Variants in PTCHD1 observed in about 807,000 individuals in gnomAD.
PTCHD1 encodes the protein patched domain-containing protein 1.
A neutral mutation model predicts 34.6 loss-of-function variants in PTCHD1; 3 were observed. The ratio of observed to expected loss-of-function variants is 0.09; its 90% CI spans 0.04 to 0.22. The LOEUF (loss-of-function observed/expected upper bound fraction) is 0.22, where lower values mean the gene tolerates loss of function less well. Among genes scored for constraint, PTCHD1 ranks in the 10% least tolerant of loss-of-function variants. The probability of loss-of-function intolerance (pLI) is 1.00; values close to 1 mark genes in which losing one functional copy is unlikely to be tolerated. For synonymous variants in PTCHD1, 305 were observed against 283.1 expected (o/e 1.08, Z -0.77); for missense variants, 504 against 685.5 (o/e 0.74, Z 2.96).
chrX:23,371,308 A>C (rs1366397904), intron 1 of PTCHD1, among the ~76,000 whole-genome samples: 1 of 111,868 alleles, frequency 8.9e-6, no homozygotes, highest in Non-Finnish European at 1.9e-5. Flanking sequence ...TTTGGAAGAT[A>C]ATCCCAGGAA....
At chrX:23,372,677 G>A (rs918133327) in intron 1 of PTCHD1, among the ~76,000 whole-genome samples, 1 of 111,437 alleles carries the variant, frequency 9.0e-6, no homozygotes, top group African/African-American at 3.3e-5. Context: ...GCTGTTGCCT[G>A]TTCCCAAGCC....
chrX:23,397,925 T>C lies in PTCHD1; in HGVS notation c.*3740T>C, dbSNP rs966630402. 8.9e-6 allele frequency: 1 copy of C among 112,052 alleles called. No individual in the cohort carries two copies. The highest frequency in any genetic ancestry group is 3.2e-5 in the African/African-American group (1 of 30,793). The allele number at this position is 112,052 out of a possible 1,213,427, so 9.2% of individuals were successfully genotyped here. A position where few individuals can be genotyped will look rare whatever the true frequency, so the allele number is the denominator to read the frequency against. ...CCTATTAAAGTACCCCTGTAGCTTA[T>C]AGTAGTGTTTGACCTCTGTGACTCT... On this transcript the variant is annotated 3_prime_UTR_variant, in exon 3 of 3. Coordinates refer to ENST00000379361, the MANE Select transcript of PTCHD1 (RefSeq NM_173495.3).
intron 1 of PTCHD1, among the ~76,000 whole-genome samples, chrX:23,360,381 T>G (rs759613832): frequency 0.031 from 3,452 of 111,486 alleles, 139 homozygotes; most frequent in African/African-American, 0.11. Flanking sequence ...TCTTGGGAGG[T>G]TGTATGTGTC....
chrX:23,373,537 T>A (rs1040800191), intron 1 of PTCHD1, among the ~76,000 whole-genome samples: 2 of 112,913 alleles, frequency 1.8e-5, no homozygotes, highest in Non-Finnish European at 3.7e-5. Flanking sequence ...AAGGGATGAC[T>A]AACTTGCTTT....
chrX:23,386,645 A>G (rs1168822122), intron 2 of PTCHD1, among the ~76,000 whole-genome samples: 1 of 112,761 alleles, frequency 8.9e-6, no homozygotes, highest in African/African-American at 3.2e-5. Flanking sequence ...ATGACATTGA[A>G]AAACAGGCAT....
intron 1 of PTCHD1, among the ~76,000 whole-genome samples, chrX:23,376,394 G>A (rs1282027553): frequency 2.7e-5 from 3 of 112,136 alleles, no homozygotes; most frequent in African/African-American, 9.7e-5. Flanking sequence ...TGGATTATCT[G>A]AAGCATAGCT....
At chrX:23,379,120 A>G (rs1360293956) in intron 1 of PTCHD1, among the ~76,000 whole-genome samples, 1 of 112,423 alleles carries the variant, frequency 8.9e-6, no homozygotes, top group Non-Finnish European at 1.9e-5. Flanking sequence ...ATTGCACCTT[A>G]GTTCACTTTC....
chrX:23,390,659 C>T (rs1052353949), intron 2 of PTCHD1, among the ~76,000 whole-genome samples: 1 of 111,730 alleles, frequency 9.0e-6, no homozygotes, highest in East Asian at 2.8e-4. Flanking sequence ...GGCTGTAAAA[C>T]GATGCCTAGT....
chrX:23,400,720 A>G lies in PTCHD1; in HGVS notation c.*6535A>G, dbSNP rs1923096227. 8.9e-6 allele frequency: 1 copy of G among 112,148 alleles called. No homozygotes were observed. The highest frequency in any genetic ancestry group is 3.7e-4 in the South Asian group (1 of 2,669). 9.2% of individuals were successfully genotyped at this position (112,148 alleles called of 1,213,427 possible). A position where few individuals can be genotyped will look rare whatever the true frequency, so the allele number is the denominator to read the frequency against. On this transcript the variant is annotated 3_prime_UTR_variant, in exon 3 of 3. Transcript: ENST00000379361. ...GCCTTGCATGAAGCACAAAGGACAC[A>G]CCAATGGCTGATCAGTGGCCCTTCC... is the stretch of plus-strand genomic sequence containing the variant.
rs1295488873 is a variant in PTCHD1 at position 23,335,070 on chromosome X, C to T, written c.195C>T (p.Ile65=). ...LLAPQHSLAK[I]ERNLVNSLFP... is the part of the protein sequence containing the mutation. ...CGCCCCAGCACAGCCTGGCCAAGAT[C>T]GAGCGCAACCTCGTTAACAGCCTCT... is the stretch of plus-strand genomic sequence containing the variant. Residue 65 remains isoleucine (I), a synonymous_variant, in exon 1 of 3, where the codon ATC becomes ATT. Coordinates refer to ENST00000379361, the MANE Select transcript of PTCHD1 (RefSeq NM_173495.3). 8.3e-7 allele frequency: 1 copy of T among 1,211,118 alleles called. No homozygotes were observed. Among genetic ancestry groups the T allele is most frequent in the African/African-American group, 1.7e-5 (1 of 57,722 alleles).
At chrX:23,364,374 A>C (rs1002563522) in intron 1 of PTCHD1, among the ~76,000 whole-genome samples, 1 of 38,627 alleles carries the variant, frequency 2.6e-5, no homozygotes, top group African/African-American at 1.3e-4. Context: ...GAGTGTAGAC[A>C]CACACACACA....
At chrX:23,347,908 G>A (rs1321290475) in intron 1 of PTCHD1, among the ~76,000 whole-genome samples, 1 of 111,973 alleles carries the variant, frequency 8.9e-6, no homozygotes. Flanking sequence ...TTCTTGGGAA[G>A]CTGAGACAGG....
intron 2 of PTCHD1, among the ~76,000 whole-genome samples, chrX:23,391,749 G>C (rs950135933): frequency 4.5e-5 from 5 of 112,141 alleles, no homozygotes; most frequent in Non-Finnish European, 9.4e-5. Flanking sequence ...AAAATGATGA[G>C]TGTCCAGACA....
chrX:23,393,137 A>G lies in PTCHD1; in HGVS notation c.1619A>G (p.Glu540Gly). Residue 540 changes from glutamate (E) to glycine (G), a missense_variant, in exon 3 of 3, where the codon GAG (glutamate) becomes GGG (glycine). Glu to Gly is a moderately conservative substitution (Grantham distance 98). Transcript: ENST00000379361. ...NIVATATQTI[E>G]YTTAQQKYFS... ...GTAGCAACCGCGACACAAACCATTG[A>G]GTACACTACTGCCCAGCAAAAGTAC... 1 of 1,211,642 alleles carries G rather than the reference A, an allele frequency of 8.3e-7. No homozygotes were observed. The highest frequency in any genetic ancestry group is 1.1e-6 in the Non-Finnish European group (1 of 895,258).
At chrX:23,357,430 T>C (rs1438709105) in intron 1 of PTCHD1, among the ~76,000 whole-genome samples, 1 of 111,371 alleles carries the variant, frequency 9.0e-6, no homozygotes, top group African/African-American at 3.3e-5. Context: ...TCTTATACAT[T>C]GCTGGTGAGA....
intron 1 of PTCHD1, among the ~76,000 whole-genome samples, chrX:23,361,585 C>T (rs765695972): frequency 5.4e-5 from 6 of 111,498 alleles, no homozygotes; most frequent in South Asian, 3.8e-4. Flanking sequence ...CACACTGATG[C>T]GCCTTGAGTC....
chrX:23,351,026 T>A, intron 1 of PTCHD1: 1 of 369,495 alleles, frequency 2.7e-6, no homozygotes, highest in Non-Finnish European at 4.7e-6. Flanking sequence ...TCTGTCTACT[T>A]TTCCTATCCT....
intron 1 of PTCHD1, among the ~76,000 whole-genome samples, chrX:23,342,308 A>AT (rs1921355695): frequency 4.1e-4 from 4 of 9,696 alleles, no homozygotes; most frequent in Non-Finnish European, 5.6e-4. Flanking sequence ...ATATATATAT[A>AT]TATTTTTTTT....
chrX:23,334,765 TCGCCGCCGCCGCGGGCGCCGCTGCCGC>T (rs1042792413), upstream of PTCHD1: 110 of 165,425 alleles, frequency 6.6e-4, no homozygotes, highest in Non-Finnish European at 9.3e-4. Context: ...GCCGCCGCCG[TCGCCGCCGCCGCGGGCGCCGCTGCCGC>T]CGCCGCCGCC....
Sources: gnomAD v4.1 joint callset for allele counts (sites outside exome capture counted in the v4.1 genomes callset) on GRCh38, gnomAD v4.1.1 for gene constraint, MANE v1.5 for transcripts, NCBI Gene and HGNC (gene_info 2026-07-23, HGNC 2026-07-21) for gene names.